GAK: variants seen among roughly 807,000 people sequenced by gnomAD.
The protein encoded by GAK is cyclin-G-associated kinase.
Under a neutral mutation model 143.9 loss-of-function variants are expected in GAK, and 79 were observed. The observed-to-expected ratio is 0.55, with a 90% CI of 0.46 to 0.66. The LOEUF is 0.66. Ranked by LOEUF, GAK falls within the 30% of genes least tolerant of loss-of-function variation. The pLI is 0.00. For synonymous variants in GAK, 881 were observed against 765.5 expected (o/e 1.15, Z -2.49); for missense variants, 1,693 against 1,779.7 (o/e 0.95, Z 0.88).
intron 24 of GAK, among the ~76,000 whole-genome samples, chr4:854,104 C>T (rs1262311309): frequency 1.3e-5 from 2 of 151,162 alleles, no homozygotes; most frequent in African/African-American, 4.9e-5. Flanking sequence ...GGCCGTCTCT[C>T]GCCCATTTTC....
intron 19 of GAK, chr4:868,984 G>GCA: frequency 2.4e-6 from 1 of 408,498 alleles, no homozygotes; most frequent in South Asian, 2.6e-5. Context: ...ACACATGAAT[G>GCA]CACACACACA....
intron 24 of GAK, among the ~76,000 whole-genome samples, chr4:859,051 AG>A (rs1263563061): frequency 6.6e-6 from 1 of 152,206 alleles, no homozygotes; most frequent in Admixed American, 6.5e-5. Context: ...CAGGGACCCC[AG>A]GGGGATGCAT....
At chr4:901,034 G>A (rs1319872550) in intron 5 of GAK, among the ~76,000 whole-genome samples, 1 of 152,148 alleles carries the variant, frequency 6.6e-6, no homozygotes, top group African/African-American at 2.4e-5. Flanking sequence ...GGGGACAAAC[G>A]AAAAAGGCCA....
At chr4:903,509 G>A (rs1195424160) in intron 5 of GAK, among the ~76,000 whole-genome samples, 1 of 152,010 alleles carries the variant, frequency 6.6e-6, no homozygotes, top group Non-Finnish European at 1.5e-5. Context: ...GCACTGTGGG[G>A]TCCAGGACTG....
At chr4:906,395 A>G (rs758080235) in intron 4 of GAK, among the ~76,000 whole-genome samples, 11 of 152,204 alleles carry the variant, frequency 7.2e-5, no homozygotes, top group Non-Finnish European at 1.2e-4. Context: ...CCGTCCTGCC[A>G]TGGCTGGCAC....
At chr4:887,236 TCACGTGTACA>T (rs33937522) in intron 11 of GAK, 30,569 of 136,936 alleles carry the variant, frequency 0.22, 3,478 homozygotes, top group African/African-American at 0.27. Flanking sequence ...TCACGCGCAC[TCACGTGTACA>T]CATGCACGCG....
rs180809473 is a variant in GAK, at chr4:867,835, T to A, written c.2396-403A>T. Among the ~76,000 whole-genome samples, 15 of 152,224 alleles carry A rather than the reference T, an allele frequency of 9.9e-5. No individual in the cohort carries two copies. The East Asian group carries it at 2.9e-3, about 29-fold the overall frequency. ...GCTGCAGAAGCTTCTGGGCGGGCGG[T>A]GGGGTGTTGTTCCTGAGGCGTCTCC... On this transcript the variant is annotated intron_variant, in intron 20 of 27. Coordinates refer to ENST00000314167, the MANE Select transcript of GAK (RefSeq NM_005255.4).
At position 866,321 on chromosome 4, in the gene GAK, G is replaced by A. The variant is rs767433763; in HGVS notation, c.3043+43C>T. On this transcript the variant is annotated intron_variant, in intron 22 of 27. Transcript: ENST00000314167. ...CCCACCAGAGGCTGCGGTCCTGAGG[G>A]AGGCGGCCATGGAGAGCTGGCTGCC... 6 of 1,587,632 alleles carry A rather than the reference G, an allele frequency of 3.8e-6. No individual in the cohort carries two copies. In the South Asian group the frequency reaches 5.6e-5, roughly 15 times the overall value.
At chr4:912,010 G>C (rs1577283542) in intron 3 of GAK, 4 of 505,664 alleles carry the variant, frequency 7.9e-6, no homozygotes, top group South Asian at 4.8e-5. Context: ...GACAAAGGCA[G>C]GCACACCGGC....
At chr4:873,999 A>G (rs2152778983) in intron 18 of GAK, among the ~76,000 whole-genome samples, 1 of 151,430 alleles carries the variant, frequency 6.6e-6, no homozygotes, top group South Asian at 2.1e-4. Flanking sequence ...AATTCATCAC[A>G]TATTTTTTGT....
intron 12 of GAK, 147 bp from the exon 13 acceptor site, chr4:883,610 C>G: frequency 1.1e-6 from 1 of 889,720 alleles, no homozygotes; most frequent in East Asian, 2.5e-5. Context: ...GGCCCCCTCA[C>G]CCTCCGTGGA....
rs1398624350 is a variant in GAK, at chr4:877,803, G to A, written c.1668C>T (p.Ile556=). The A allele has an allele frequency of 6.9e-6, 11 of 1,593,428 alleles. No individual in the cohort carries two copies. Among genetic ancestry groups the A allele is most frequent in the South Asian group, 2.2e-5 (2 of 88,918 alleles). The part of the protein sequence containing the change: ...PGIWPSHKRY[I]EYMCDMVAEE... The stretch of plus-strand genomic sequence containing the variant: ...CCGCCACCATGTCACACATGTACTC[G>A]ATGTACCTGGGGGCAGACGTGCCGC... Residue 556 remains isoleucine (I), a synonymous_variant, in exon 16 of 28, where the codon ATC becomes ATT. Transcript: ENST00000314167.
intron 5 of GAK, among the ~76,000 whole-genome samples, chr4:898,827 C>A (rs1719310621): frequency 6.6e-6 from 1 of 151,918 alleles, no homozygotes; most frequent in South Asian, 2.1e-4. Context: ...TGCGCCGCTG[C>A]ACTCCAGCCT....
rs865848290 is a variant in GAK, at chr4:926,381, C to A, written c.145+5662G>T. Among the ~76,000 whole-genome samples the A allele has an allele frequency of 4.6e-5, 7 of 152,182 alleles. No homozygotes were observed. In the South Asian group the frequency reaches 1.2e-3, roughly 27 times the overall value. On this transcript the variant is annotated intron_variant, in intron 1 of 27. Coordinates refer to ENST00000314167, the MANE Select transcript of GAK (RefSeq NM_005255.4). Reference sequence around the variant, plus strand: ...CAGACATCTCCTCCAGGGCACAATGCGCAGAGCAACGGGGGCCAGGACAGG... The same window carrying A: ...CAGACATCTCCTCCAGGGCACAATGAGCAGAGCAACGGGGGCCAGGACAGG...
At chr4:928,090 C>T (rs1374133780) in intron 1 of GAK, among the ~76,000 whole-genome samples, 1 of 152,228 alleles carries the variant, frequency 6.6e-6, no homozygotes, top group East Asian at 1.9e-4. Context: ...TAGAGTCTCG[C>T]TCTGTCGTCC....
chr4:856,388 C>T (rs1749201971), intron 24 of GAK, among the ~76,000 whole-genome samples: 1 of 88,814 alleles, frequency 1.1e-5, no homozygotes, highest in Admixed American at 1.0e-4. Context: ...CAGCTGCTCA[C>T]ACCTGCTCAC....
At chr4:886,169 A>T (rs908183046) in intron 11 of GAK, 3 of 152,274 alleles carry the variant, frequency 2.0e-5, no homozygotes, top group African/African-American at 7.2e-5. Flanking sequence ...ATGTGAACAG[A>T]AGGCAGAGCA....
intron 23 of GAK, among the ~76,000 whole-genome samples, chr4:863,520 C>T (rs889109920): frequency 6.6e-6 from 1 of 152,200 alleles, no homozygotes; most frequent in African/African-American, 2.4e-5. Flanking sequence ...AAGGGAGAGA[C>T]AATCACGTGG....
rs111945494 is a variant in GAK, at chr4:925,993, A to T, written c.145+6050T>A. The stretch of plus-strand genomic sequence containing the variant: ...GCCCAGCCCAACTGTCACCTCCCCC[A>T]GTGGTGAGCCCACCCGGGGGTCGTC... On this transcript the variant is annotated intron_variant, in intron 1 of 27. Transcript: ENST00000314167. Among the ~76,000 whole-genome samples the T allele has an allele frequency of 1.4e-3, 210 of 152,188 alleles. 3 individuals carry two copies. Among genetic ancestry groups the T allele is most frequent in the African/African-American group, 4.8e-3 (200 of 41,520 alleles).
Sources: allele counts gnomAD v4.1 joint callset (sites outside exome capture counted in the v4.1 genomes callset), GRCh38; gene constraint gnomAD v4.1.1; transcripts MANE v1.5; gene names NCBI Gene and HGNC (gene_info 2026-07-23, HGNC 2026-07-21).